LOC128125817: variants seen among roughly 807,000 people sequenced by gnomAD.
chr1:41,600,495 A>G, the LOC128125817 span, among the ~76,000 whole-genome samples: 2 of 152,202 alleles, frequency 1.3e-5, no homozygotes, highest in Non-Finnish European at 2.9e-5. Flanking sequence ...TATATGAAGT[A>G]CTTAGAGTAA....
the LOC128125817 span, among the ~76,000 whole-genome samples, chr1:41,620,552 T>C: frequency 6.6e-6 from 1 of 152,124 alleles, no homozygotes; most frequent in Admixed American, 6.5e-5. Context: ...ATCCCCTGCT[T>C]TTCTCTCTCT....
the LOC128125817 span, among the ~76,000 whole-genome samples, chr1:41,619,052 G>A: frequency 3.3e-5 from 5 of 151,528 alleles, no homozygotes; most frequent in Non-Finnish European, 7.4e-5. Context: ...TCCTTCGGCA[G>A]GACAGCCCAC....
the LOC128125817 span, among the ~76,000 whole-genome samples, chr1:41,590,545 T>C: frequency 1.3e-5 from 2 of 152,154 alleles, no homozygotes; most frequent in Non-Finnish European, 2.9e-5. Flanking sequence ...CAAGGAACAG[T>C]GGGACAAGAA....
At chr1:41,615,241 A>C in the LOC128125817 span, among the ~76,000 whole-genome samples, 2,370 of 152,356 alleles carry the variant, frequency 0.016, 35 homozygotes, top group Non-Finnish European at 0.021. Context: ...TAAATAAATA[A>C]TTTTACCAGT....
At chr1:41,619,389 C>T in the LOC128125817 span, among the ~76,000 whole-genome samples, 2 of 152,212 alleles carry the variant, frequency 1.3e-5, no homozygotes, top group African/African-American at 2.4e-5. Context: ...AATATATTTA[C>T]ATTTATTTTA....
At chr1:41,615,147 T>G in the LOC128125817 span, among the ~76,000 whole-genome samples, 1 of 152,236 alleles carries the variant, frequency 6.6e-6, no homozygotes, top group African/African-American at 2.4e-5. Flanking sequence ...TTACTTTGAC[T>G]TGAATTGGAC....
chr1:41,622,329 CAGAA>C, the LOC128125817 span, among the ~76,000 whole-genome samples: 1 of 151,960 alleles, frequency 6.6e-6, no homozygotes, highest in African/African-American at 2.4e-5. Context: ...AAGGAAAACT[CAGAA>C]AGAGGGAGCA....
the LOC128125817 span, among the ~76,000 whole-genome samples, chr1:41,594,465 C>T: frequency 6.6e-6 from 1 of 152,048 alleles, no homozygotes; most frequent in African/African-American, 2.4e-5. Context: ...TCAAGTGATC[C>T]CCTGCCTCAG....
the LOC128125817 span, among the ~76,000 whole-genome samples, chr1:41,617,878 A>T: frequency 8.7e-6 from 1 of 114,444 alleles, no homozygotes; most frequent in African/African-American, 3.3e-5. Flanking sequence ...GCTTCTAAGC[A>T]TCTTTTAGTT....
chr1:41,628,747 A>G, the LOC128125817 span: 1 of 1,232,096 alleles, frequency 8.1e-7, no homozygotes, highest in Non-Finnish European at 1.0e-6. Context: ...CCCATTTCCT[A>G]CCTGTGCTGA....
the LOC128125817 span, among the ~76,000 whole-genome samples, chr1:41,619,794 C>T: frequency 6.6e-6 from 1 of 152,164 alleles, no homozygotes; most frequent in Non-Finnish European, 1.5e-5. Context: ...GACACCTGGG[C>T]CTCAGTCCCC....
At chr1:41,599,685 A>T in the LOC128125817 span, among the ~76,000 whole-genome samples, 1 of 152,214 alleles carries the variant, frequency 6.6e-6, no homozygotes, top group Admixed American at 6.5e-5. Context: ...AACTTCTTAG[A>T]TGTGGCACCA....
chr1:41,620,927 G>A, the LOC128125817 span, among the ~76,000 whole-genome samples: 2 of 152,260 alleles, frequency 1.3e-5, no homozygotes, highest in East Asian at 1.9e-4. Flanking sequence ...TTCCACCTGC[G>A]GCACCTCGAG....
the LOC128125817 span, among the ~76,000 whole-genome samples, chr1:41,598,628 A>G: frequency 6.6e-6 from 1 of 152,202 alleles, no homozygotes; most frequent in African/African-American, 2.4e-5. Context: ...TCAGTCTGCA[A>G]GTACTACGTG....
At chr1:41,603,365 G>A in the LOC128125817 span, among the ~76,000 whole-genome samples, 2 of 150,372 alleles carry the variant, frequency 1.3e-5, no homozygotes, top group Non-Finnish European at 3.0e-5. Flanking sequence ...ACCGTGCCTG[G>A]CCTATTTATT....
chr1:41,594,726 T>A, the LOC128125817 span, among the ~76,000 whole-genome samples: 20 of 152,336 alleles, frequency 1.3e-4, no homozygotes, highest in African/African-American at 4.8e-4. Flanking sequence ...TTTTTTTGTT[T>A]CCATGTGGTT....
At chr1:41,597,094 C>T in the LOC128125817 span, among the ~76,000 whole-genome samples, 4 of 152,218 alleles carry the variant, frequency 2.6e-5, no homozygotes, top group East Asian at 5.8e-4. Flanking sequence ...CCTCCCAACT[C>T]CAAGACCTAA....
chr1:41,624,121 C>T, the LOC128125817 span, among the ~76,000 whole-genome samples: 3 of 152,194 alleles, frequency 2.0e-5, no homozygotes, highest in Non-Finnish European at 4.4e-5. Context: ...CCACTACTGA[C>T]TGCACTCTCC....
At chr1:41,599,109 A>G in the LOC128125817 span, among the ~76,000 whole-genome samples, 13,742 of 152,178 alleles carry the variant, frequency 0.09, 686 homozygotes, top group Middle Eastern at 0.16. Context: ...GAGCCACCAC[A>G]CCCAGTCTCA....
Sources: allele counts gnomAD v4.1 joint callset (sites outside exome capture counted in the v4.1 genomes callset), GRCh38; gene constraint gnomAD v4.1.1; transcripts MANE v1.5.